Variants in KIAA1549L observed in about 807,000 individuals in gnomAD.
The protein encoded by KIAA1549L is UPF0606 protein KIAA1549L.
Under a neutral mutation model 160.7 loss-of-function variants are expected in KIAA1549L, and 88 were observed. The observed-to-expected ratio is 0.55, with a 90% CI of 0.46 to 0.65. KIAA1549L has a LOEUF of 0.65. KIAA1549L is among the 30% of genes least tolerant of loss of function. The probability of loss-of-function intolerance (pLI) is 0.00; values close to 1 mark genes in which losing one functional copy is unlikely to be tolerated. For missense variants in KIAA1549L, 2,258 were observed against 2,437.5 expected, an observed-to-expected ratio of 0.93 and a Z score of 1.55; for synonymous variants, 950 against 976.7, an observed-to-expected ratio of 0.97 and a Z score of 0.51.
chr11:33,620,606 C>T (rs1399625790), intron 16 of KIAA1549L, among the ~76,000 whole-genome samples: 1 of 152,154 alleles, frequency 6.6e-6, no homozygotes, highest in African/African-American at 2.4e-5. Flanking sequence ...TTTCATTATG[C>T]CCATTGTATG....
At chr11:33,537,161 T>C (rs571141527) in intron 1 of KIAA1549L, among the ~76,000 whole-genome samples, 6 of 152,358 alleles carry the variant, frequency 3.9e-5, no homozygotes, top group African/African-American at 1.4e-4. Flanking sequence ...TGTTCCTTTA[T>C]GTGGAATGCT....
At position 33,561,794 on chromosome 11, in the gene KIAA1549L, A is replaced by T; in HGVS notation, c.4078+59A>T. On this transcript the variant is annotated intron_variant, in intron 8 of 20. Coordinates refer to ENST00000658780, the MANE Select transcript of KIAA1549L (RefSeq NM_012194.3). ...GCTGTCAGATTGATTTATTTTTTTT[A>T]AACTGTAGGCCATTCATTAATAAGA... 4 of 1,231,754 alleles carry T rather than the reference A, an allele frequency of 3.2e-6. No homozygotes were observed. In the South Asian group the frequency reaches 3.7e-5, roughly 11 times the overall value. The allele number at this position is 1,231,754 out of a possible 1,614,324, so 76.3% of individuals were successfully genotyped here.
chr11:33,441,820 G>T (rs1226839041), intron 1 of KIAA1549L, among the ~76,000 whole-genome samples: 1 of 151,982 alleles, frequency 6.6e-6, no homozygotes, highest in African/African-American at 2.4e-5. Flanking sequence ...CTGGATATTA[G>T]CCCTTTGTCA....
chr11:33,415,442 T>C (rs541280269), intron 1 of KIAA1549L, among the ~76,000 whole-genome samples: 1 of 152,270 alleles, frequency 6.6e-6, no homozygotes, highest in East Asian at 1.9e-4. Flanking sequence ...AACATGCTCA[T>C]TGGGGATCCT....
At chr11:33,392,960 C>A (rs892526932) in intron 1 of KIAA1549L, among the ~76,000 whole-genome samples, 1 of 152,168 alleles carries the variant, frequency 6.6e-6, no homozygotes, top group African/African-American at 2.4e-5. Context: ...CACGTTCTTA[C>A]CAAAGCTGCA....
chr11:33,402,942 C>T (rs1375961536), intron 1 of KIAA1549L, among the ~76,000 whole-genome samples: 1 of 152,090 alleles, frequency 6.6e-6, no homozygotes, highest in Non-Finnish European at 1.5e-5. Flanking sequence ...TCTTGGAGTA[C>T]CTCTAATTTG....
At chr11:33,537,394 C>T (rs995511976) in intron 1 of KIAA1549L, among the ~76,000 whole-genome samples, 9 of 152,000 alleles carry the variant, frequency 5.9e-5, no homozygotes, top group African/African-American at 2.2e-4. Flanking sequence ...TAAGACGTTG[C>T]TTAACTCAGT....
rs149829446 is a variant in KIAA1549L, at chr11:33,459,307, G to A, written c.238+82418G>A. On this transcript the variant is annotated intron_variant, in intron 1 of 20. Coordinates refer to ENST00000658780, the MANE Select transcript of KIAA1549L (RefSeq NM_012194.3). ...AGAGGTCTGCTTCCTCCATCTTCAG[G>A]TGTGCATTTTGGGGAGGGGAGTTCT... Among the ~76,000 whole-genome samples the A allele has an allele frequency of 3.3e-5, 5 of 152,234 alleles. No individual in the cohort carries two copies. In the East Asian group the frequency reaches 9.7e-4, roughly 29 times the overall value.
intron 14 of KIAA1549L, among the ~76,000 whole-genome samples, chr11:33,609,447 C>T (rs977352519): frequency 3.3e-5 from 5 of 152,164 alleles, no homozygotes; most frequent in African/African-American, 7.2e-5. Context: ...TAATTAAGGC[C>T]GAGCCACATT....
chr11:33,444,367 G>T (rs1851568682), intron 1 of KIAA1549L, among the ~76,000 whole-genome samples: 1 of 152,124 alleles, frequency 6.6e-6, no homozygotes, highest in Non-Finnish European at 1.5e-5. Context: ...CTTATAGAAT[G>T]AACTCTAAGA....
rs183153788 is a variant in KIAA1549L, at chr11:33,623,657, A to G, written c.5409+4995A>G. On this transcript the variant is annotated intron_variant, in intron 16 of 20. Transcript: ENST00000658780. Reference sequence around the variant, plus strand: ...ACCAGGTTGATGGCTGCCCAGAAAGACACTTATCAACCCCAGTGATGGAGG... The same window carrying G: ...ACCAGGTTGATGGCTGCCCAGAAAGGCACTTATCAACCCCAGTGATGGAGG... Among the ~76,000 whole-genome samples the G allele has an allele frequency of 2.6e-3, 395 of 152,206 alleles. 2 individuals carry two copies. The highest frequency in any genetic ancestry group is 9.1e-3 in the African/African-American group (379 of 41,516).
intron 20 of KIAA1549L, among the ~76,000 whole-genome samples, chr11:33,664,882 G>A (rs1333399460): frequency 1.3e-5 from 2 of 152,258 alleles, no homozygotes; most frequent in Non-Finnish European, 2.9e-5. Context: ...AGCCAGATGA[G>A]CATTGCTGTT....
intron 1 of KIAA1549L, among the ~76,000 whole-genome samples, chr11:33,517,015 G>C (rs534515677): frequency 1.3e-5 from 2 of 152,094 alleles, no homozygotes; most frequent in African/African-American, 4.8e-5. Context: ...TTCAATTCAC[G>C]TTTCTCATTT....
chr11:33,594,211 G>A (rs1166542766), intron 12 of KIAA1549L, among the ~76,000 whole-genome samples: 1 of 152,136 alleles, frequency 6.6e-6, no homozygotes, highest in African/African-American at 2.4e-5. Context: ...ACAGAGGGTT[G>A]GATTTCAGCT....
At chr11:33,611,434 C>A (rs1437119240) in intron 15 of KIAA1549L, among the ~76,000 whole-genome samples, 2 of 152,104 alleles carry the variant, frequency 1.3e-5, no homozygotes, top group Non-Finnish European at 1.5e-5. Context: ...ATTGGATCAA[C>A]ATAATTTATT....
intron 1 of KIAA1549L, among the ~76,000 whole-genome samples, chr11:33,459,445 G>A (rs966260467): frequency 1.1e-4 from 16 of 152,136 alleles, no homozygotes; most frequent in Non-Finnish European, 1.5e-4. Flanking sequence ...TGGCCACTTC[G>A]TTGTGCATTG....
intron 17 of KIAA1549L, among the ~76,000 whole-genome samples, chr11:33,651,570 G>A (rs1211277707): frequency 2.0e-5 from 3 of 152,190 alleles, no homozygotes; most frequent in African/African-American, 7.2e-5. Context: ...TTACTGCTGA[G>A]CATCCCAAAT....
chr11:33,418,142 G>A (rs2447525), intron 1 of KIAA1549L, among the ~76,000 whole-genome samples: 110,418 of 152,162 alleles, frequency 0.73, 40,062 homozygotes, highest in African/African-American at 0.77. Context: ...CATATATATT[G>A]TGTTTATTGT....
intron 1 of KIAA1549L, among the ~76,000 whole-genome samples, chr11:33,488,705 G>A (rs1210144338): frequency 6.6e-6 from 1 of 151,986 alleles, no homozygotes; most frequent in Non-Finnish European, 1.5e-5. Flanking sequence ...AGAAAGGCTC[G>A]TTCCTAACAA....
Sources: allele counts gnomAD v4.1 joint callset (sites outside exome capture counted in the v4.1 genomes callset), GRCh38; gene constraint gnomAD v4.1.1; transcripts MANE v1.5; gene names NCBI Gene and HGNC (gene_info 2026-07-23, HGNC 2026-07-21).